Variants in WDR27 observed in about 807,000 individuals in gnomAD.
The protein encoded by WDR27 is WD repeat-containing protein 27.
A neutral mutation model predicts 114.4 loss-of-function variants in WDR27; 100 were observed. The ratio of observed to expected loss-of-function variants is 0.87; its 90% confidence interval spans 0.74 to 1.03. The LOEUF (loss-of-function observed/expected upper bound fraction) is 1.03. Ranked by LOEUF, WDR27 falls within the 50% of genes least tolerant of loss-of-function variation. The pLI is 0.00. For missense variants in WDR27, 1,129 were observed against 1,092.9 expected, an observed-to-expected ratio of 1.03 and a Z score of -0.47; for synonymous variants, 449 against 423.1, an observed-to-expected ratio of 1.06 and a Z score of -0.75.
In WDR27 at chr6:169,639,157, G is replaced by A. The variant is rs149823719; in HGVS notation, c.1748-497C>T. 3.8e-3 allele frequency among the ~76,000 whole-genome samples: 552 copies of A among 145,588 alleles called. 4 individuals are homozygous for A. The highest frequency in any genetic ancestry group is 0.014 in the African/African-American group (534 of 38,698). Reference sequence around the variant, plus strand: ...TGTGGTGCTGGGTACTGTGTGGGGCGTGTACTGCGTGGTGCTGGGTACTGT... The same window carrying A: ...TGTGGTGCTGGGTACTGTGTGGGGCATGTACTGCGTGGTGCTGGGTACTGT... On this transcript the variant is annotated intron_variant, in intron 17 of 25. Transcript: ENST00000448612.
chr6:169,641,361 G>A (rs1819119911), intron 17 of WDR27, among the ~76,000 whole-genome samples: 1 of 152,330 alleles, frequency 6.6e-6, no homozygotes, highest in East Asian at 1.9e-4. Flanking sequence ...GCCCATGGGG[G>A]ACCACATGGG....
At chr6:169,624,326 T>A (rs1418087881) in intron 21 of WDR27, among the ~76,000 whole-genome samples, 1 of 152,100 alleles carries the variant, frequency 6.6e-6, no homozygotes, top group Non-Finnish European at 1.5e-5. Flanking sequence ...GCGTGTGGCA[T>A]CAGATACACT....
chr6:169,570,456 G>A (rs1419101075), intron 25 of WDR27, among the ~76,000 whole-genome samples: 2 of 152,184 alleles, frequency 1.3e-5, no homozygotes, highest in Non-Finnish European at 2.9e-5. Context: ...TCACTCCCAG[G>A]AATACTTGCA....
At chr6:169,606,890 T>C (rs372213855) in intron 22 of WDR27, among the ~76,000 whole-genome samples, 1 of 152,186 alleles carries the variant, frequency 6.6e-6, no homozygotes, top group Non-Finnish European at 1.5e-5. Context: ...AAATGCCACA[T>C]TGTCTTCCAC....
intron 25 of WDR27, among the ~76,000 whole-genome samples, chr6:169,507,700 T>C (rs1367838710): frequency 6.6e-6 from 1 of 152,226 alleles, no homozygotes; most frequent in Non-Finnish European, 1.5e-5. Flanking sequence ...TAGATAAGAA[T>C]AATGTTTATA....
chr6:169,452,197 G>A, the WDR27 span, among the ~76,000 whole-genome samples: 1 of 152,284 alleles, frequency 6.6e-6, no homozygotes, highest in Non-Finnish European at 1.5e-5. Context: ...TTTTGTTTTC[G>A]TTTCCTCATG....
chr6:169,489,919 C>A (rs1789521506), intron 25 of WDR27, among the ~76,000 whole-genome samples: 1 of 152,212 alleles, frequency 6.6e-6, no homozygotes, highest in African/African-American at 2.4e-5. Context: ...TCCCTGTGAG[C>A]TGTTCCAGTA....
At chr6:169,496,786 T>A (rs11758240) in intron 25 of WDR27, among the ~76,000 whole-genome samples, 4 of 152,050 alleles carry the variant, frequency 2.6e-5, no homozygotes, top group Non-Finnish European at 5.9e-5. Context: ...TGCAACAAAA[T>A]TAAAGAAGAC....
chr6:169,632,310 C>A (rs1459219757), intron 21 of WDR27, among the ~76,000 whole-genome samples: 1 of 152,042 alleles, frequency 6.6e-6, no homozygotes. Context: ...GATATAAATG[C>A]CAGATGCATC....
At chr6:169,442,033 C>T in the WDR27 span, among the ~76,000 whole-genome samples, 95 of 152,288 alleles carry the variant, frequency 6.2e-4, no homozygotes, top group African/African-American at 2.1e-3. Context: ...AATATTTCCC[C>T]TGACTTGTGA....
chr6:169,460,308 A>T (rs1489642546), intron 25 of WDR27, among the ~76,000 whole-genome samples: 1 of 152,210 alleles, frequency 6.6e-6, no homozygotes, highest in Non-Finnish European at 1.5e-5. Flanking sequence ...ATGGGTGGGG[A>T]CAGAGATGTA....
intron 13 of WDR27, chr6:169,657,884 A>G (rs1193749919): frequency 5.9e-6 from 1 of 170,702 alleles, no homozygotes; most frequent in African/African-American, 2.3e-5. Context: ...TGCACACTCA[A>G]GTGTGCAGGA....
intron 25 of WDR27, among the ~76,000 whole-genome samples, chr6:169,533,298 T>C (rs751832352): frequency 6.8e-6 from 1 of 146,494 alleles, no homozygotes; most frequent in Non-Finnish European, 1.5e-5. Context: ...TGCAGGAAAA[T>C]TGGGGGGGGC....
At chr6:169,665,648 A>G in intron 6 of WDR27, 92 bp from the exon 7 acceptor site, 2 of 1,152,186 alleles carry the variant, frequency 1.7e-6, no homozygotes, top group Middle Eastern at 2.0e-4. Flanking sequence ...CTTTACACGT[A>G]ATATTTACTT....
At chr6:169,544,125 C>A (rs1797154035) in intron 25 of WDR27, among the ~76,000 whole-genome samples, 1 of 152,112 alleles carries the variant, frequency 6.6e-6, no homozygotes, top group Non-Finnish European at 1.5e-5. Context: ...CAAGAAAACA[C>A]AACTAACATC....
chr6:169,531,360 A>G (rs1795568156), intron 25 of WDR27, among the ~76,000 whole-genome samples: 1 of 152,204 alleles, frequency 6.6e-6, no homozygotes, highest in South Asian at 2.1e-4. Flanking sequence ...ACCAAAGACA[A>G]TTATATCTTA....
intron 1 of WDR27, among the ~76,000 whole-genome samples, chr6:169,696,800 G>A (rs1002400097): frequency 6.6e-6 from 1 of 152,204 alleles, no homozygotes; most frequent in Non-Finnish European, 1.5e-5. Context: ...TGTAGTCCCA[G>A]CTACTTGGAA....
chr6:169,568,334 T>C (rs1800828786), intron 25 of WDR27, among the ~76,000 whole-genome samples: 1 of 151,992 alleles, frequency 6.6e-6, no homozygotes, highest in African/African-American at 2.4e-5. Flanking sequence ...AAAACATTTC[T>C]TATAACATAC....
chr6:169,599,067 C>G (rs1196659665), intron 23 of WDR27, among the ~76,000 whole-genome samples: 1 of 151,944 alleles, frequency 6.6e-6, no homozygotes, highest in Non-Finnish European at 1.5e-5. Flanking sequence ...ATACATGTGC[C>G]ATGTTGGTGT....
Sources: allele counts gnomAD v4.1 joint callset (sites outside exome capture counted in the v4.1 genomes callset), GRCh38; gene constraint gnomAD v4.1.1; transcripts MANE v1.5; gene names NCBI Gene and HGNC (gene_info 2026-07-23, HGNC 2026-07-21).